SLC22A12: variants seen among roughly 807,000 people sequenced by gnomAD.
The protein encoded by SLC22A12 is solute carrier family 22 member 12, also known as organic anion transporter 4-like protein.
Under a neutral mutation model 52.7 loss-of-function variants are expected in SLC22A12, and 56 were observed. The observed-to-expected ratio is 1.06, with a 90% CI of 0.86 to 1.33. The LOEUF is 1.33. SLC22A12 is among the 40% of genes most tolerant of loss of function. SLC22A12 has a pLI of 0.00. For synonymous variants in SLC22A12, 337 were observed against 324.6 expected, an observed-to-expected ratio of 1.04 and a Z score of -0.41; for missense variants, 683 against 741.5, an observed-to-expected ratio of 0.92 and a Z score of 0.92.
In SLC22A12 at chr11:64,601,471, G is replaced by A. The variant is rs114845820; in HGVS notation, c.1599-17G>A. On this transcript the variant is annotated splice_polypyrimidine_tract_variant and intron_variant, in intron 9 of 9. Coordinates refer to ENST00000377574, the MANE Select transcript of SLC22A12 (RefSeq NM_144585.4). The stretch of plus-strand genomic sequence containing the variant: ...ACTCCGCACCCCAAGACACACCCCC[G>A]TGTGCTTCCTGAACAGGGCAGTAAA... The A allele has an allele frequency of 1.3e-4, 202 of 1,612,740 alleles. 1 individual carries two copies. The East Asian group carries it at 3.4e-3, about 27-fold the overall frequency.
In SLC22A12 at chr11:64,591,643, G is replaced by A. The variant is rs750335507; in HGVS notation, c.87G>A (p.Met29Ile). 2.5e-6 allele frequency: 4 copies of A among 1,613,214 alleles called. No individual in the cohort carries two copies. The highest frequency in any genetic ancestry group is 3.4e-6 in the Non-Finnish European group (4 of 1,180,026). ...LQTMALMVSI[M>I]WLCTQSMLEN... is the part of the protein sequence containing the mutation. Reference sequence around the variant, plus strand: ...CGATGGCTCTGATGGTCTCCATCATGTGGCTGTGTACCCAGAGCATGCTGG... The same window carrying A: ...CGATGGCTCTGATGGTCTCCATCATATGGCTGTGTACCCAGAGCATGCTGG... Residue 29 changes from methionine (M) to isoleucine (I), a missense_variant, in exon 1 of 10, where the codon ATG (methionine) becomes ATA (isoleucine). Transcript: ENST00000377574.
chr11:64,595,987 T>C (rs2039190590), intron 4 of SLC22A12, among the ~76,000 whole-genome samples: 1 of 86,078 alleles, frequency 1.2e-5, no homozygotes, highest in Admixed American at 1.1e-4. Context: ...ATGGTTGGAA[T>C]AGATGGAATG....
chr11:64,592,643 G>A lies in SLC22A12; in HGVS notation c.403-136G>A, dbSNP rs1591387703. On this transcript the variant is annotated intron_variant, in intron 1 of 9. Coordinates refer to ENST00000377574, the MANE Select transcript of SLC22A12 (RefSeq NM_144585.4). ...GTGGGTGCCCTCACTGTTCCACAGG[G>A]TCTTGCTCTAAAACCCTAGAGGTCA... 1.2e-5 allele frequency: 9 copies of A among 769,064 alleles called. No homozygotes were observed. In the East Asian group the frequency reaches 2.2e-4, roughly 19 times the overall value. 47.6% of individuals were successfully genotyped at this position (769,064 alleles called of 1,614,324 possible).
In SLC22A12 at chr11:64,598,621, G is replaced by C; in HGVS notation, c.936G>C (p.Gln312His). 6.2e-7 allele frequency: 1 copy of C among 1,611,052 alleles called. No homozygotes were observed. The highest frequency in any genetic ancestry group is 1.3e-5 in the African/African-American group (1 of 74,968). ...CCATCAACGGAAAGGGGGCAGTGCA[G>C]GACACCCTGACCCCTGAGGTAAGGC... ...VAAINGKGAV[Q>H]DTLTPEVLLS... The change falls in exon 5 of 10, where the codon CAG (glutamine) becomes CAC (histidine). Residue 312 changes from glutamine (Q) to histidine (H), a missense_variant. Gln to His is a conservative substitution (Grantham distance 24, BLOSUM62 0). Coordinates refer to ENST00000377574, the MANE Select transcript of SLC22A12 (RefSeq NM_144585.4).
Position 64,601,576 on chromosome 11 carries a change from CG to C in SLC22A12, c.*27del. 1 of 1,612,118 alleles carries C rather than the reference CG, an allele frequency of 6.2e-7. No homozygotes were observed. Among genetic ancestry groups the C allele is most frequent in the African/African-American group, 1.3e-5 (1 of 74,964 alleles). ...GCCTCCTGGGGAACCTGCGATGGGA[CG>C]GTCAGAGGAAGAGACTTCTTCTGTT... On this transcript the variant is annotated 3_prime_UTR_variant, in exon 10 of 10. Transcript: ENST00000377574.
chr11:64,592,094 C>T, intron 1 of SLC22A12, 136 bp downstream of exon 1: 3 of 1,374,288 alleles, frequency 2.2e-6, no homozygotes, highest in East Asian at 2.5e-5. Context: ...GCCTCTCAGC[C>T]CCTCGTCAGC....
At chr11:64,597,785 G>T (rs570882120) in intron 4 of SLC22A12, among the ~76,000 whole-genome samples, 31 of 152,316 alleles carry the variant, frequency 2.0e-4, no homozygotes, top group Non-Finnish European at 3.1e-4. Context: ...GGGGCGGGAC[G>T]GTGTGGCATA....
chr11:64,595,980 GTTGGA>G (rs2039189170), intron 4 of SLC22A12, among the ~76,000 whole-genome samples: 1 of 98,442 alleles, frequency 1.0e-5, no homozygotes, highest in Non-Finnish European at 2.0e-5. Context: ...TGGATGGATG[GTTGGA>G]ATAGATGGAA....
chr11:64,594,671 A>AGATGGATG (rs1241137479), intron 4 of SLC22A12, among the ~76,000 whole-genome samples: 2 of 145,654 alleles, frequency 1.4e-5, no homozygotes, highest in East Asian at 4.4e-4. Flanking sequence ...TGGTTGGAAT[A>AGATGGATG]GATGGATGGA....
chr11:64,595,967 GAATGGATGGATGGTTGGA>G (rs2039187206), intron 4 of SLC22A12, among the ~76,000 whole-genome samples: 1 of 132,262 alleles, frequency 7.6e-6, no homozygotes, highest in Non-Finnish European at 1.7e-5. Context: ...TGGATGGATG[GAATGGATGGATGGTTGGA>G]ATAGATGGAA....
Position 64,599,742 on chromosome 11 carries a change from C to G in SLC22A12, c.1137C>G (p.Phe379Leu), listed in dbSNP as rs2039388764. 6.2e-7 allele frequency: 1 copy of G among 1,612,614 alleles called. No homozygotes were observed. The highest frequency in any genetic ancestry group is 2.2e-5 in the East Asian group (1 of 44,818). The change falls in exon 7 of 10, where the codon TTC (phenylalanine) becomes TTG (leucine). Residue 379 changes from phenylalanine (F) to leucine (L), a missense_variant. Coordinates refer to ENST00000377574, the MANE Select transcript of SLC22A12 (RefSeq NM_144585.4). ...LDLQALGSNI[F>L]LLQMFIGVVD... ...TGCAGGCCCTGGGCAGCAACATCTT[C>G]CTGCTCCAAATGTTCATTGGTGTCG...
chr11:64,596,103 T>C (rs2039204124), intron 4 of SLC22A12, among the ~76,000 whole-genome samples: 1 of 149,708 alleles, frequency 6.7e-6, no homozygotes, highest in African/African-American at 2.5e-5. Context: ...GATGGATGGA[T>C]GGAATGGATG....
At position 64,601,742 on chromosome 11, in the gene SLC22A12, A is replaced by G; in HGVS notation, c.*191A>G. On this transcript the variant is annotated 3_prime_UTR_variant, in exon 10 of 10. Coordinates refer to ENST00000377574, the MANE Select transcript of SLC22A12 (RefSeq NM_144585.4). Reference sequence around the variant, plus strand: ...CACAGTCCAAGGGGCCCCCTTCAATACTGAAGGGGAAAAGGACAGTTTGAT... The same window carrying G: ...CACAGTCCAAGGGGCCCCCTTCAATGCTGAAGGGGAAAAGGACAGTTTGAT... 1 of 601,818 alleles carries G rather than the reference A, an allele frequency of 1.7e-6. No individual in the cohort carries two copies. Among genetic ancestry groups the G allele is most frequent in the Non-Finnish European group, 3.0e-6 (1 of 335,110 alleles). The allele number at this position is 601,818 out of a possible 1,614,324, so 37.3% of individuals were successfully genotyped here. A position where few individuals can be genotyped will look rare whatever the true frequency, so the allele number is the denominator to read the frequency against.
chr11:64,599,618 G>GCCCCCCCCCCCCCCCC, intron 6 of SLC22A12, 58 bp from the exon 7 acceptor site: 1 of 56,448 alleles, frequency 1.8e-5, no homozygotes, highest in Non-Finnish European at 2.9e-5. Context: ...TTCCCACCCT[G>GCCCCCCCCCCCCCCCC]CCCACCACCC....
chr11:64,591,336 C>A lies in SLC22A12; in HGVS notation c.-221C>A, dbSNP rs1244692544. 4 of 608,916 alleles carry A rather than the reference C, an allele frequency of 6.6e-6. No individual in the cohort carries two copies. The East Asian group carries it at 8.5e-5, about 13-fold the overall frequency. 37.7% of individuals were successfully genotyped at this position (608,916 alleles called of 1,614,324 possible). ...TGCTGGAGGTCTCGGAATCACCTCA[C>A]GCGGCCTCAGGGCCCAGTTGGAGCC... is the stretch of plus-strand genomic sequence containing the variant. On this transcript the variant is annotated 5_prime_UTR_variant, in exon 1 of 10. Coordinates refer to ENST00000377574, the MANE Select transcript of SLC22A12 (RefSeq NM_144585.4).
rs780415779 is a variant in SLC22A12 at position 64,592,889 on chromosome 11, AC to A, written c.506+12del. 2.5e-6 allele frequency: 4 copies of A among 1,611,650 alleles called. No individual in the cohort carries two copies. The highest frequency in any genetic ancestry group is 2.7e-5 in the African/African-American group (2 of 74,960). ...GCGGCCCTGCCTCAGACAGGTGAGT[AC>A]CCCCAGTCCAGGCAGGTCCCAGTTC... is the stretch of plus-strand genomic sequence containing the variant. On this transcript the variant is annotated splice_region_variant and intron_variant, in intron 2 of 9. Coordinates refer to ENST00000377574, the MANE Select transcript of SLC22A12 (RefSeq NM_144585.4).
intron 1 of SLC22A12, 69 bp from the exon 2 acceptor site, chr11:64,592,710 T>C (rs971996787): frequency 1.5e-6 from 2 of 1,330,582 alleles, no homozygotes; most frequent in East Asian, 2.3e-5. Context: ...GGCCCTCCCA[T>C]GCGGTTCCTC....
At chr11:64,594,770 T>C (rs987484401) in intron 4 of SLC22A12, among the ~76,000 whole-genome samples, 1 of 143,432 alleles carries the variant, frequency 7.0e-6, no homozygotes, top group African/African-American at 2.6e-5. Flanking sequence ...GATGGATGGA[T>C]GAATGGATAG....
At position 64,598,496 on chromosome 11, in the gene SLC22A12, C is replaced by T; in HGVS notation, c.831-20C>T. ...TGGGGGCCACAGGCAATGACCCCTC[C>T]CACGCCCCCTCCACTTAAGGTGGCT... is the stretch of plus-strand genomic sequence containing the variant. On this transcript the variant is annotated intron_variant, in intron 4 of 9. Coordinates refer to ENST00000377574, the MANE Select transcript of SLC22A12 (RefSeq NM_144585.4). 6.4e-7 allele frequency: 1 copy of T among 1,560,156 alleles called. No individual in the cohort carries two copies. The highest frequency in any genetic ancestry group is 8.7e-7 in the Non-Finnish European group (1 of 1,153,318).
Sources: allele counts gnomAD v4.1 joint callset (sites outside exome capture counted in the v4.1 genomes callset), GRCh38; gene constraint gnomAD v4.1.1; transcripts MANE v1.5; gene names NCBI Gene and HGNC (gene_info 2026-07-23, HGNC 2026-07-21).